The following FAM13A variants were observed in gnomAD, a reference collection of about 807,000 sequenced individuals.
FAM13A encodes the protein family with sequence similarity 13 member A.
Under a neutral mutation model 129.6 loss-of-function variants are expected in FAM13A, and 76 were observed. The observed-to-expected ratio is 0.59, with a 90% confidence interval of 0.49 to 0.71. FAM13A has a LOEUF of 0.71. Ranked by LOEUF, FAM13A falls within the 30% of genes least tolerant of loss-of-function variation. The pLI, the probability that FAM13A is intolerant of heterozygous loss-of-function variation, is 0.00. For missense variants in FAM13A, 1,108 were observed against 1,249.3 expected, an observed-to-expected ratio of 0.89 and a Z score of 1.70; for synonymous variants, 443 against 449.9, an observed-to-expected ratio of 0.98 and a Z score of 0.20.
At chr4:88,775,092 T>A (rs925815829) in intron 11 of FAM13A, among the ~76,000 whole-genome samples, 5 of 152,184 alleles carry the variant, frequency 3.3e-5, no homozygotes, top group African/African-American at 1.2e-4. Flanking sequence ...AGATAACATT[T>A]AAATCCAAGC....
At chr4:89,027,422 A>G (rs1768107009) in intron 2 of FAM13A, among the ~76,000 whole-genome samples, 1 of 151,918 alleles carries the variant, frequency 6.6e-6, no homozygotes, top group Non-Finnish European at 1.5e-5. Context: ...TGGTGGGAAG[A>G]TTATTTGAAC....
chr4:88,945,237 A>G (rs1755467117), intron 4 of FAM13A, among the ~76,000 whole-genome samples: 1 of 152,238 alleles, frequency 6.6e-6, no homozygotes, highest in African/African-American at 2.4e-5. Flanking sequence ...AAATCTGGCT[A>G]CAACTAAGAA....
At chr4:88,794,202 T>C (rs1017043790) in intron 8 of FAM13A, among the ~76,000 whole-genome samples, 2 of 151,980 alleles carry the variant, frequency 1.3e-5, no homozygotes, top group Non-Finnish European at 2.9e-5. Flanking sequence ...AGCAAGTATT[T>C]AAAATGGAAA....
chr4:89,023,012 A>T (rs534485537), intron 2 of FAM13A, among the ~76,000 whole-genome samples: 2 of 152,322 alleles, frequency 1.3e-5, no homozygotes, highest in East Asian at 3.9e-4. Flanking sequence ...AGAGGACACA[A>T]CTAAGATGTA....
Position 88,849,445 on chromosome 4 carries a change from C to T in FAM13A, c.1007+1575G>A, listed in dbSNP as rs372464621. On this transcript the variant is annotated intron_variant, in intron 7 of 23. Coordinates refer to ENST00000264344, the MANE Select transcript of FAM13A (RefSeq NM_014883.4). The stretch of plus-strand genomic sequence containing the variant: ...GGATAAAATCGAGGTTCTCCTATTT[C>T]GGTTCTTTTGCATTTGCTATTATCT... Among the ~76,000 whole-genome samples, 10 of 152,282 alleles carry T rather than the reference C, an allele frequency of 6.6e-5. 1 individual carries two copies. The highest frequency in any genetic ancestry group is 2.2e-4 in the African/African-American group (9 of 41,552).
chr4:89,051,754 A>G (rs1463503861), intron 1 of FAM13A, among the ~76,000 whole-genome samples: 1 of 152,220 alleles, frequency 6.6e-6, no homozygotes, highest in Non-Finnish European at 1.5e-5. Context: ...CCCATTCAAG[A>G]AAGGGAAATA....
chr4:88,826,187 C>G (rs1309647409), intron 7 of FAM13A, among the ~76,000 whole-genome samples: 1 of 152,066 alleles, frequency 6.6e-6, no homozygotes, highest in African/African-American at 2.4e-5. Flanking sequence ...GTGCATCCCT[C>G]TTAACCCCCA....
chr4:88,832,602 G>A (rs1734073366), intron 7 of FAM13A, among the ~76,000 whole-genome samples: 1 of 152,032 alleles, frequency 6.6e-6, no homozygotes, highest in South Asian at 2.1e-4. Context: ...AAAAGAAGAT[G>A]TTTATGTGGC....
intron 6 of FAM13A, among the ~76,000 whole-genome samples, chr4:88,858,049 A>G (rs1289479046): frequency 6.6e-6 from 1 of 152,236 alleles, no homozygotes; most frequent in Non-Finnish European, 1.5e-5. Flanking sequence ...AAAAATAGTT[A>G]CGGTACAGAG....
chr4:88,771,837 T>C (rs1445912169), intron 11 of FAM13A, among the ~76,000 whole-genome samples: 3 of 152,208 alleles, frequency 2.0e-5, no homozygotes, highest in African/African-American at 7.2e-5. Context: ...TAATTTATTT[T>C]GATAATTTTG....
intron 5 of FAM13A, among the ~76,000 whole-genome samples, chr4:88,915,369 T>C (rs897120582): frequency 1.3e-5 from 2 of 152,222 alleles, no homozygotes; most frequent in Admixed American, 6.5e-5. Flanking sequence ...CTTCACTATA[T>C]ATTTTTGGAA....
intron 14 of FAM13A, among the ~76,000 whole-genome samples, chr4:88,751,946 TGTGCAAAACTATCTTA>T (rs1742717081): frequency 6.6e-6 from 1 of 152,174 alleles, no homozygotes; most frequent in Non-Finnish European, 1.5e-5. Context: ...TACTATAAAA[TGTGCAAAACTATCTTA>T]AATAAGTGCT....
chr4:88,953,209 C>T (rs1757215142), intron 4 of FAM13A, among the ~76,000 whole-genome samples: 1 of 151,922 alleles, frequency 6.6e-6, no homozygotes, highest in Non-Finnish European at 1.5e-5. Flanking sequence ...AATCCCAGCA[C>T]TTTGGGAAAC....
chr4:88,871,057 G>C (rs957017378), intron 6 of FAM13A, among the ~76,000 whole-genome samples: 19 of 152,208 alleles, frequency 1.2e-4, no homozygotes, highest in African/African-American at 3.9e-4. Flanking sequence ...TGAGGGACCT[G>C]ACTGTTAGAA....
intron 5 of FAM13A, among the ~76,000 whole-genome samples, chr4:88,914,267 T>G (rs984405082): frequency 6.6e-6 from 1 of 152,232 alleles, no homozygotes; most frequent in Non-Finnish European, 1.5e-5. Context: ...TTCTACAAGC[T>G]TTGTACATGT....
chr4:88,726,089 A>G lies in FAM13A; in HGVS notation c.*2444T>C, dbSNP rs1465472255. 6.6e-6 allele frequency: 1 copy of G among 152,220 alleles called. No individual in the cohort carries two copies. Among genetic ancestry groups the G allele is most frequent in the East Asian group, 1.9e-4 (1 of 5,200 alleles). The allele number at this position is 152,220 out of a possible 1,614,324, so 9.4% of individuals were successfully genotyped here. On this transcript the variant is annotated 3_prime_UTR_variant, in exon 24 of 24. Transcript: ENST00000264344. ...CACAGCAAAGGAAAAATCCCAGTCC[A>G]GAGCATTTTGTCTTTGTGAAGCCAA...
intron 7 of FAM13A, among the ~76,000 whole-genome samples, chr4:88,848,685 T>C (rs1737079135): frequency 6.6e-6 from 1 of 152,212 alleles, no homozygotes; most frequent in Admixed American, 6.5e-5. Context: ...TTCCTTTCCT[T>C]TCCATGGTTG....
intron 8 of FAM13A, among the ~76,000 whole-genome samples, chr4:88,792,033 AT>A (rs1238824479): frequency 6.6e-6 from 1 of 152,108 alleles, no homozygotes; most frequent in Non-Finnish European, 1.5e-5. Flanking sequence ...AAATCATGTG[AT>A]TAGGTAAAAG....
In FAM13A at chr4:88,790,236, A is replaced by G. The variant is rs374501080; in HGVS notation, c.1091+350T>C. Among the ~76,000 whole-genome samples, 29 of 152,294 alleles carry G rather than the reference A, an allele frequency of 1.9e-4. No homozygotes were observed. In the East Asian group the frequency reaches 4.8e-3, roughly 25 times the overall value. ...AATGAACTAAGTAGGGAGTAAAGAC[A>G]TGATTAATGGTTTAACCTTTAATTA... On this transcript the variant is annotated intron_variant, in intron 9 of 23. Coordinates refer to ENST00000264344, the MANE Select transcript of FAM13A (RefSeq NM_014883.4).
Sources: gnomAD v4.1 joint callset for allele counts (sites outside exome capture counted in the v4.1 genomes callset) on GRCh38, gnomAD v4.1.1 for gene constraint, MANE v1.5 for transcripts, NCBI Gene and HGNC (gene_info 2026-07-23, HGNC 2026-07-21) for gene names.